ENTPD7: variants seen among roughly 807,000 people sequenced by gnomAD.
ENTPD7 encodes NTPDase 7.
In ENTPD7, 53 loss-of-function variants were observed where a neutral mutation model predicts 77.9. The observed-to-expected ratio is 0.68, with a 90% CI of 0.55 to 0.85. ENTPD7 has a LOEUF of 0.85. Ranked by LOEUF, ENTPD7 falls within the 40% of genes least tolerant of loss-of-function variation. ENTPD7 has a pLI of 0.00. For missense variants in ENTPD7, 636 were observed against 743.7 expected, an observed-to-expected ratio of 0.86 and a Z score of 1.68; for synonymous variants, 248 against 274.9, an observed-to-expected ratio of 0.90 and a Z score of 0.97.
At chr10:99,692,850 C>T (rs2035905637) in intron 8 of ENTPD7, among the ~76,000 whole-genome samples, 1 of 138,402 alleles carries the variant, frequency 7.2e-6, no homozygotes, top group Non-Finnish European at 1.6e-5. Context: ...CTGTGAAGGT[C>T]CTTCTCAGCT....
intron 3 of ENTPD7, among the ~76,000 whole-genome samples, chr10:99,671,698 C>T (rs1309516910): frequency 6.6e-6 from 1 of 152,206 alleles, no homozygotes; most frequent in Non-Finnish European, 1.5e-5. Flanking sequence ...TCCTTTTTCA[C>T]ATTCATGTTT....
intron 3 of ENTPD7, among the ~76,000 whole-genome samples, chr10:99,666,646 A>G (rs1233754983): frequency 3.3e-5 from 5 of 152,238 alleles, no homozygotes; most frequent in South Asian, 2.1e-4. Flanking sequence ...TTGAAATATC[A>G]TAAGTTGAAA....
rs1398826044 is a variant in ENTPD7 at position 99,679,289 on chromosome 10, G to A, written c.220G>A (p.Ala74Thr). The change falls in exon 4 of 13, where the codon GCT (alanine) becomes ACT (threonine). Residue 74 changes from alanine (A) to threonine (T), a missense_variant. By Grantham distance (58) the Ala-to-Thr change is moderately conservative (BLOSUM62 0). Transcript: ENST00000370489. ...TTTGGCTCGAGTAGGGGAGCTTGAA[G>A]CTACTGACACTGAAGACCCAAATCT... Reference protein sequence around the residue: ...RYLARVGELEATDTEDPNLNY... With the variant: ...RYLARVGELETTDTEDPNLNY... 1 of 1,614,050 alleles carries A rather than the reference G, an allele frequency of 6.2e-7. No individual in the cohort carries two copies. The highest frequency in any genetic ancestry group is 8.5e-7 in the Non-Finnish European group (1 of 1,180,032).
chr10:99,703,652 TAC>T (rs2036188313), intron 12 of ENTPD7, among the ~76,000 whole-genome samples: 1 of 152,200 alleles, frequency 6.6e-6, no homozygotes, highest in South Asian at 2.1e-4. Context: ...CTGACTGTAA[TAC>T]AGTTGATCAG....
rs2036300028 is a variant in ENTPD7, at chr10:99,708,726, T to G, written c.*4043T>G. 5 of 640,366 alleles carry G rather than the reference T, an allele frequency of 7.8e-6. No individual in the cohort carries two copies. In the South Asian group the frequency reaches 3.5e-4, roughly 45 times the overall value. The allele number at this position is 640,366 out of a possible 1,614,324, so 39.7% of individuals were successfully genotyped here. A position where few individuals can be genotyped will look rare whatever the true frequency, so the allele number is the denominator to read the frequency against. On this transcript the variant is annotated 3_prime_UTR_variant, in exon 13 of 13. Transcript: ENST00000370489. ...AATCATAATAAATTTCAGAAGAGTT[T>G]TAAAGCTTCTGGTCAACCCCCTTGA... is the stretch of plus-strand genomic sequence containing the variant.
intron 6 of ENTPD7, among the ~76,000 whole-genome samples, chr10:99,688,457 T>G (rs1036896900): frequency 1.3e-5 from 2 of 152,246 alleles, no homozygotes; most frequent in Non-Finnish European, 2.9e-5. Flanking sequence ...TTATACTTCT[T>G]AGACATTTGT....
chr10:99,709,889 A>C lies in ENTPD7; in HGVS notation c.*5206A>C, dbSNP rs1288660597. On this transcript the variant is annotated 3_prime_UTR_variant, in exon 13 of 13. Coordinates refer to ENST00000370489, the MANE Select transcript of ENTPD7 (RefSeq NM_020354.5). ...ACCAGTTGACCATTTTGTTTCTCTG[A>C]AAATCTGAGCAATACGGAGATCCTT... is the stretch of plus-strand genomic sequence containing the variant. 10 of 985,356 alleles carry C rather than the reference A, an allele frequency of 1.0e-5. No individual in the cohort carries two copies. The highest frequency in any genetic ancestry group is 1.2e-5 in the Non-Finnish European group (10 of 829,922). 61.0% of individuals were successfully genotyped at this position (985,356 alleles called of 1,614,324 possible).
At chr10:99,676,174 TA>T (rs2035678958) in intron 3 of ENTPD7, among the ~76,000 whole-genome samples, 1 of 152,186 alleles carries the variant, frequency 6.6e-6, no homozygotes, top group Non-Finnish European at 1.5e-5. Flanking sequence ...TGCAAAATTA[TA>T]AAACAATGCC....
intron 8 of ENTPD7, among the ~76,000 whole-genome samples, chr10:99,692,654 G>A (rs2035901903): frequency 6.6e-6 from 1 of 151,984 alleles, no homozygotes; most frequent in Non-Finnish European, 1.5e-5. Flanking sequence ...ATAGCCTTTT[G>A]CAGTATAGGA....
At position 99,659,831 on chromosome 10, in the gene ENTPD7, C is replaced by A; in HGVS notation, c.-95-31C>A. 1.4e-6 allele frequency: 2 copies of A among 1,379,598 alleles called. No individual in the cohort carries two copies. Among genetic ancestry groups the A allele is most frequent in the Non-Finnish European group, 2.0e-6 (2 of 994,222 alleles). 85.5% of individuals were successfully genotyped at this position (1,379,598 alleles called of 1,614,324 possible). On this transcript the variant is annotated intron_variant, in intron 1 of 12. Transcript: ENST00000370489. This position sits in a 1 kb window ranked among gnomAD's most constrained non-coding sequence, Gnocchi z 4.1. ...TGCAGGTTTGTCTCGTGGGCTCAGT[C>A]GGACAGAAGCCTGAAATCAAATCTT... is the stretch of plus-strand genomic sequence containing the variant.
intron 3 of ENTPD7, among the ~76,000 whole-genome samples, chr10:99,674,671 T>C (rs2035658725): frequency 6.6e-6 from 1 of 152,252 alleles, no homozygotes; most frequent in Admixed American, 6.5e-5. Flanking sequence ...TGTATGTATA[T>C]ACAACATTTT....
chr10:99,707,279 T>G lies in ENTPD7; in HGVS notation c.*2596T>G, dbSNP rs2036271943. ...AGTTCCACAGTACTGAAGGAAAATTTTGTCATATCCCTCAGAAGAACTGAA... is the reference window on the plus strand; with the variant it reads ...AGTTCCACAGTACTGAAGGAAAATTGTGTCATATCCCTCAGAAGAACTGAA... On this transcript the variant is annotated 3_prime_UTR_variant, in exon 13 of 13. Transcript: ENST00000370489. Among the ~76,000 whole-genome samples, 1 of 152,186 alleles carries G rather than the reference T, an allele frequency of 6.6e-6. No homozygotes were observed. The highest frequency in any genetic ancestry group is 2.1e-4 in the South Asian group (1 of 4,830).
Position 99,710,157 on chromosome 10 carries a change from G to T in ENTPD7, c.*5474G>T. The stretch of plus-strand genomic sequence containing the variant: ...GCCACTCCTCCTTCTCCACTCCAAG[G>T]CAGCCCTGGTACTTTCCTAAGTGGC... On this transcript the variant is annotated 3_prime_UTR_variant, in exon 13 of 13. Transcript: ENST00000370489. The T allele has an allele frequency of 1.0e-6, 1 of 985,332 alleles. No individual in the cohort carries two copies. Among genetic ancestry groups the T allele is most frequent in the Middle Eastern group, 5.2e-4 (1 of 1,914 alleles). The allele number at this position is 985,332 out of a possible 1,614,324, so 61.0% of individuals were successfully genotyped here.
At chr10:99,671,143 A>G (rs1217941355) in intron 3 of ENTPD7, among the ~76,000 whole-genome samples, 1 of 152,098 alleles carries the variant, frequency 6.6e-6, no homozygotes, top group Non-Finnish European at 1.5e-5. Context: ...GGCCTCGGAC[A>G]TTACTGTAGA....
Position 99,710,482 on chromosome 10 carries a change from C to G in ENTPD7, c.*5799C>G. 1.0e-6 allele frequency: 1 copy of G among 985,380 alleles called. No individual in the cohort carries two copies. Among genetic ancestry groups the G allele is most frequent in the Non-Finnish European group, 1.2e-6 (1 of 829,924 alleles). 61.0% of individuals were successfully genotyped at this position (985,380 alleles called of 1,614,324 possible). Reference sequence around the variant, plus strand: ...AAAAAACCAAAGGCTGCCTGTATTACATTGCTTTGGGGAGTTGTTAAGACT... The same window carrying G: ...AAAAAACCAAAGGCTGCCTGTATTAGATTGCTTTGGGGAGTTGTTAAGACT... On this transcript the variant is annotated 3_prime_UTR_variant, in exon 13 of 13. Transcript: ENST00000370489.
chr10:99,685,884 G>A lies in ENTPD7; in HGVS notation c.641G>A (p.Gly214Glu), dbSNP rs1189350097. Residue 214 changes from glycine (G) to glutamate (E), a missense_variant, in exon 6 of 13, where the codon GGG (glycine) becomes GAG (glutamate). Physicochemically the swap from Gly to Glu is moderately conservative, Grantham distance 98 (BLOSUM62 -2). This residue lies in a region of ENTPD7 where 486 missense variants were observed against 556.5 expected (regional missense o/e 0.87). Coordinates refer to ENST00000370489, the MANE Select transcript of ENTPD7 (RefSeq NM_020354.5). ...FSQSQAEVIS[G>E]KQEGVYAWIG... ...CAGTCTCAAGCAGAAGTGATCTCTG[G>A]GAAGCAGGAAGGTACTGGGCCTTAA... 6.2e-7 allele frequency: 1 copy of A among 1,613,252 alleles called. No individual in the cohort carries two copies. Among genetic ancestry groups the A allele is most frequent in the East Asian group, 2.2e-5 (1 of 44,850 alleles).
At chr10:99,695,035 GAATA>G (rs946786965) in intron 8 of ENTPD7, among the ~76,000 whole-genome samples, 85 of 152,304 alleles carry the variant, frequency 5.6e-4, no homozygotes, top group Non-Finnish European at 4.1e-4. Context: ...AGATAAAAGA[GAATA>G]AATAAATAAA....
rs556718747 is a variant in ENTPD7, at chr10:99,671,813, G to A, written c.192-7448G>A. Among the ~76,000 whole-genome samples the A allele has an allele frequency of 1.2e-4, 18 of 152,296 alleles. 1 individual carries two copies. The South Asian group carries it at 3.7e-3, about 32-fold the overall frequency. On this transcript the variant is annotated intron_variant, in intron 3 of 12. Coordinates refer to ENST00000370489, the MANE Select transcript of ENTPD7 (RefSeq NM_020354.5). The stretch of plus-strand genomic sequence containing the variant: ...GAATGTCTTTTGTAGCTATTGAAAG[G>A]TGGTGCCTTCATGTTCCTTTACCAT...
chr10:99,693,886 C>G (rs2035923842), intron 8 of ENTPD7, among the ~76,000 whole-genome samples: 1 of 151,698 alleles, frequency 6.6e-6, no homozygotes, highest in South Asian at 2.1e-4. Context: ...CCACTGCATT[C>G]CAGCCTGGGT....
Sources: allele counts gnomAD v4.1 joint callset (sites outside exome capture counted in the v4.1 genomes callset), GRCh38; gene constraint gnomAD v4.1.1; regional missense constraint gnomAD v4.1.1; non-coding constraint Gnocchi (gnomAD v3.1); transcripts MANE v1.5; gene names NCBI Gene and HGNC (gene_info 2026-07-23, HGNC 2026-07-21).